DNAH17: variants seen among roughly 807,000 people sequenced by gnomAD.
DNAH17 encodes dynein axonemal heavy chain 17, also known as axonemal beta dynein heavy chain 17.
In DNAH17, 376 loss-of-function variants were observed where a neutral mutation model predicts 485.6. The observed-to-expected ratio is 0.77, with a 90% CI of 0.71 to 0.84. The LOEUF (loss-of-function observed/expected upper bound fraction) is 0.84, where lower values mean the gene tolerates loss of function less well. Ranked by LOEUF, DNAH17 falls within the 40% of genes least tolerant of loss-of-function variation. DNAH17 has a pLI of 0.00. For missense variants in DNAH17, 6,370 were observed against 5,839.3 expected (o/e 1.09, Z -2.96); for synonymous variants, 3,031 against 2,405.9 (o/e 1.26, Z -7.60).
At position 78,500,406 on chromosome 17, in the gene DNAH17, C is replaced by T. The variant is rs992634283; in HGVS notation, c.5539G>A (p.Gly1847Ser). 4.3e-6 allele frequency: 7 copies of T among 1,610,928 alleles called. No individual in the cohort carries two copies. Among genetic ancestry groups the T allele is most frequent in the Middle Eastern group, 1.6e-4 (1 of 6,068 alleles). Residue 1847 changes from glycine to serine, a missense_variant, in exon 36 of 81, where the codon GGC becomes AGC. Transcript: ENST00000389840. ...TCAGTCTTGCCGGTCCCAGCGGGGC[C>T]GGCAGGGGCTCCACCCATGATGAGA... is the stretch of plus-strand genomic sequence containing the variant. ...LHLIMGGAPA[G>S]PAGTGKTETT... is the part of the protein sequence containing the mutation.
intron 2 of DNAH17, among the ~76,000 whole-genome samples, chr17:78,573,699 A>C (rs1262202085): frequency 2.0e-5 from 3 of 152,044 alleles, no homozygotes; most frequent in Non-Finnish European, 2.9e-5. Flanking sequence ...CATGCACAGA[A>C]GGCCGACCAC....
chr17:78,451,713 T>C (rs773992697), intron 65 of DNAH17, 40 bp from the exon 66 acceptor site: 1 of 1,512,966 alleles, frequency 6.6e-7, no homozygotes, highest in Admixed American at 2.1e-5. Context: ...GGCCTCCCAG[T>C]GACCAGGGGA....
rs2086215087 is a variant in DNAH17 at position 78,423,847 on chromosome 17, G to A, written c.*59C>T. 6.3e-7 allele frequency: 1 copy of A among 1,597,580 alleles called. No individual in the cohort carries two copies. Among genetic ancestry groups the A allele is most frequent in the Non-Finnish European group, 8.6e-7 (1 of 1,168,960 alleles). ...GTAAAGAATAAGTCACAGGTGCACA[G>A]GTGAAGGGCTGAGTTGTGGTCCAGC... On this transcript the variant is annotated 3_prime_UTR_variant, in exon 81 of 81. Transcript: ENST00000389840.
chr17:78,425,653 G>C (rs1223649378), intron 79 of DNAH17, 82 bp from the exon 80 acceptor site: 1 of 1,313,710 alleles, frequency 7.6e-7, no homozygotes, highest in Admixed American at 2.3e-5. Context: ...CTGAGCAGGG[G>C]TCACGCCAGA....
Position 78,514,940 on chromosome 17 carries a change from A to G in DNAH17, c.3947T>C (p.Phe1316Ser), listed in dbSNP as rs939708781. The change falls in exon 26 of 81, where the codon TTT becomes TCT. Residue 1316 changes from phenylalanine (F) to serine (S), a missense_variant. By Grantham distance (155) the Phe-to-Ser change is radical. Transcript: ENST00000389840. ...GTCCAAAGACCTCATGTCCTTGGCA[A>G]ACTTCTTACAATCTATGTCCATCTG... ...VEQMDIDCKK[F>S]AKDMRSLDKE... The G allele has an allele frequency of 2.5e-6, 4 of 1,613,908 alleles. No individual in the cohort carries two copies. The highest frequency in any genetic ancestry group is 3.4e-6 in the Non-Finnish European group (4 of 1,179,898).
At chr17:78,568,390 A>C (rs2092302026) in intron 9 of DNAH17, among the ~76,000 whole-genome samples, 2 of 152,114 alleles carry the variant, frequency 1.3e-5, no homozygotes, top group South Asian at 4.1e-4. Context: ...GCCTCTGACA[A>C]TGGTGTCCAC....
chr17:78,570,121 G>T lies in DNAH17; in HGVS notation c.1044+126C>A, dbSNP rs961048507. On this transcript the variant is annotated intron_variant, in intron 7 of 80. Coordinates refer to ENST00000389840, the MANE Select transcript of DNAH17 (RefSeq NM_173628.4). ...CCATCTCAGCTCGGGGCCTGAAAAGGCTTGTGCTGACATCTTGGCCTGCTT... is the reference window on the plus strand; with the variant it reads ...CCATCTCAGCTCGGGGCCTGAAAAGTCTTGTGCTGACATCTTGGCCTGCTT... The T allele has an allele frequency of 1.2e-5, 14 of 1,127,154 alleles. No individual in the cohort carries two copies. In the African/African-American group the frequency reaches 1.6e-4, roughly 13 times the overall value. 69.8% of individuals were successfully genotyped at this position (1,127,154 alleles called of 1,614,324 possible). A position where few individuals can be genotyped will look rare whatever the true frequency, so the allele number is the denominator to read the frequency against.
chr17:78,518,938 G>C (rs543682344), intron 25 of DNAH17, among the ~76,000 whole-genome samples: 1 of 152,120 alleles, frequency 6.6e-6, no homozygotes, highest in Non-Finnish European at 1.5e-5. Flanking sequence ...GGAAGCCGAA[G>C]TGGGCTGATC....
At chr17:78,479,423 C>T in intron 50 of DNAH17, 62 bp downstream of exon 50, 1 of 1,511,228 alleles carries the variant, frequency 6.6e-7, no homozygotes, top group African/African-American at 1.4e-5. Context: ...ATGTGAAGAA[C>T]CATCAGCCCA....
chr17:78,464,846 A>AC (rs980730204), intron 56 of DNAH17, among the ~76,000 whole-genome samples: 5 of 152,246 alleles, frequency 3.3e-5, no homozygotes, highest in African/African-American at 9.6e-5. Flanking sequence ...AAACAAAAAA[A>AC]CCCAACAGCC....
rs2088984495 is a variant in DNAH17 at position 78,475,738 on chromosome 17, C to T, written c.8250G>A (p.Met2750Ile). Residue 2750 changes from methionine to isoleucine, a missense_variant, in exon 53 of 81, where the codon ATG becomes ATA. By Grantham distance (10) the Met-to-Ile change is conservative. Transcript: ENST00000389840. Reference protein sequence around the residue: ...GDPKYVPVTDMAPLNKLLVDV... With the variant: ...GDPKYVPVTDIAPLNKLLVDV... Reference sequence around the variant, plus strand: ...CCACGAGGAGCTTGTTCAGAGGAGCCATGTCGGTTACAGGAACATATTTGG... The same window carrying T: ...CCACGAGGAGCTTGTTCAGAGGAGCTATGTCGGTTACAGGAACATATTTGG... 1 of 1,613,818 alleles carries T rather than the reference C, an allele frequency of 6.2e-7. No homozygotes were observed. The highest frequency in any genetic ancestry group is 8.5e-7 in the Non-Finnish European group (1 of 1,179,846).
chr17:78,486,193 T>G, intron 45 of DNAH17, 31 bp downstream of exon 45: 1 of 1,590,704 alleles, frequency 6.3e-7, no homozygotes, highest in East Asian at 2.2e-5. Flanking sequence ...AGAGACCCTG[T>G]GTGGGTGGCC....
rs748247285 is a variant in DNAH17 at position 78,570,319 on chromosome 17, G to A, written c.972C>T (p.Thr324=). ...TGGCAGGTGTGTTATAGTACTCAGA[G>A]GTGGCCCAGATGAAGCAGATGGTGT... is the stretch of plus-strand genomic sequence containing the variant. The part of the protein sequence containing the change: ...VLDTICFIWA[T]SEYYNTPARI... Residue 324 remains threonine, a synonymous_variant, in exon 7 of 81, where the codon ACC becomes ACT. Transcript: ENST00000389840. The A allele has an allele frequency of 1.9e-6, 3 of 1,607,604 alleles. No homozygotes were observed. The highest frequency in any genetic ancestry group is 2.5e-6 in the Non-Finnish European group (3 of 1,177,416).
At chr17:78,502,498 T>C in intron 33 of DNAH17, 93 bp downstream of exon 33, 1 of 1,237,614 alleles carries the variant, frequency 8.1e-7, no homozygotes. Context: ...CTCCAGGTAC[T>C]CGCCCGGCAG....
chr17:78,479,451 C>T, intron 50 of DNAH17, 34 bp downstream of exon 50: 5 of 1,575,628 alleles, frequency 3.2e-6, no homozygotes, highest in Non-Finnish European at 4.3e-6. Flanking sequence ...ATAGGTTTTA[C>T]CGATGGGAGA....
intron 75 of DNAH17, among the ~76,000 whole-genome samples, chr17:78,431,282 T>A (rs1568041077): frequency 6.6e-6 from 1 of 152,256 alleles, no homozygotes; most frequent in South Asian, 2.1e-4. Context: ...CGGGCTGCTT[T>A]TCCTGCATCT....
intron 44 of DNAH17, among the ~76,000 whole-genome samples, chr17:78,489,125 C>T (rs2089738086): frequency 6.6e-6 from 1 of 152,190 alleles, no homozygotes. Flanking sequence ...AGCTCCTGGC[C>T]CTGTCCCCAT....
chr17:78,427,102 C>T lies in DNAH17; in HGVS notation c.12595G>A (p.Ala4199Thr). 6.4e-7 allele frequency: 1 copy of T among 1,571,508 alleles called. No individual in the cohort carries two copies. Among genetic ancestry groups the T allele is most frequent in the Non-Finnish European group, 8.6e-7 (1 of 1,158,658 alleles). Residue 4199 changes from alanine (A) to threonine (T), a missense_variant, in exon 78 of 81, where the codon GCC becomes ACC. Ala to Thr is a moderately conservative substitution (Grantham distance 58). Coordinates refer to ENST00000389840, the MANE Select transcript of DNAH17 (RefSeq NM_173628.4). ...TGVSREEKVK[A>T]VLDDILEKIP... ...TTCTCCAGGATGTCGTCCAGCACGG[C>T]CTTCACCTGGAAGCCAGTCCCCGGA... is the stretch of plus-strand genomic sequence containing the variant.
rs114285323 is a variant in DNAH17, at chr17:78,577,170, A to C, written c.-26+125T>G. On this transcript the variant is annotated intron_variant, in intron 1 of 80. Transcript: ENST00000389840. ...ACAGCTCCCGGTGGCGAGCAGAGCCACTTCTGGGGTAAGTGGAGGGTCTGC... is the reference window on the plus strand; with the variant it reads ...ACAGCTCCCGGTGGCGAGCAGAGCCCCTTCTGGGGTAAGTGGAGGGTCTGC... The C allele has an allele frequency of 9.5e-3, 1,452 of 152,428 alleles. 30 individuals carry two copies. Among genetic ancestry groups the C allele is most frequent in the African/African-American group, 0.033 (1,377 of 41,546 alleles). The allele number at this position is 152,428 out of a possible 1,614,324, so 9.4% of individuals were successfully genotyped here. A position where few individuals can be genotyped will look rare whatever the true frequency, so the allele number is the denominator to read the frequency against.
Sources: gnomAD v4.1 joint callset for allele counts (sites outside exome capture counted in the v4.1 genomes callset) on GRCh38, gnomAD v4.1.1 for gene constraint, MANE v1.5 for transcripts, NCBI Gene and HGNC (gene_info 2026-07-23, HGNC 2026-07-21) for gene names.